Variants in MLIP observed in about 807,000 individuals in gnomAD.
MLIP encodes the protein muscular LMNA interacting protein, also known as muscular LMNA-interacting protein.
A neutral mutation model predicts 84.8 loss-of-function variants in MLIP; 79 were observed. The ratio of observed to expected loss-of-function variants is 0.93; its 90% CI spans 0.78 to 1.12. The LOEUF (loss-of-function observed/expected upper bound fraction) is 1.12, where lower values mean the gene tolerates loss of function less well. Among genes scored for constraint, MLIP ranks in the 50% most tolerant of loss-of-function variants. MLIP has a pLI of 0.00. For missense variants in MLIP, 1,257 were observed against 1,160.6 expected, an observed-to-expected ratio of 1.08 and a Z score of -1.21; for synonymous variants, 504 against 463.0, an observed-to-expected ratio of 1.09 and a Z score of -1.14.
chr6:54,178,994 G>A (rs543056450), intron 9 of MLIP, among the ~76,000 whole-genome samples: 1 of 152,148 alleles, frequency 6.6e-6, no homozygotes. Context: ...AAATTGGGGT[G>A]TTGAAGTCTC....
intron 12 of MLIP, among the ~76,000 whole-genome samples, chr6:54,244,042 A>T (rs1781912875): frequency 6.6e-6 from 1 of 152,204 alleles, no homozygotes; most frequent in South Asian, 2.1e-4. Flanking sequence ...CTAAACATCT[A>T]GTACTCTGAC....
At chr6:54,131,726 G>C (rs1206982205) in intron 3 of MLIP, among the ~76,000 whole-genome samples, 7 of 152,172 alleles carry the variant, frequency 4.6e-5, no homozygotes, top group Admixed American at 4.6e-4. Context: ...CTTGGGATAT[G>C]TATGTATATA....
intron 11 of MLIP, among the ~76,000 whole-genome samples, chr6:54,214,130 C>T (rs1447857915): frequency 2.0e-5 from 3 of 152,204 alleles, no homozygotes; most frequent in Non-Finnish European, 2.9e-5. Flanking sequence ...TGAAATGGAA[C>T]AACTCTTAGG....
chr6:54,050,771 T>G (rs999833332), intron 1 of MLIP, among the ~76,000 whole-genome samples: 1 of 152,114 alleles, frequency 6.6e-6, no homozygotes, highest in Non-Finnish European at 1.5e-5. Flanking sequence ...ATGGGCATCA[T>G]GGTATTATTC....
At chr6:54,204,634 TACG>T (rs1163552639) in intron 11 of MLIP, among the ~76,000 whole-genome samples, 1 of 152,234 alleles carries the variant, frequency 6.6e-6, no homozygotes, top group Non-Finnish European at 1.5e-5. Context: ...ACCTGTAATT[TACG>T]ACATGTACTG....
Position 54,124,489 on chromosome 6 carries a change from A to C in MLIP, c.269A>C (p.Tyr90Ser). 1 of 1,613,836 alleles carries C rather than the reference A, an allele frequency of 6.2e-7. No individual in the cohort carries two copies. ...CTATTACAGTCTAAATCCAATGACT[A>C]CTTGACCTTGAATGCTGGGAGCCAA... is the stretch of plus-strand genomic sequence containing the variant. ...ETVNRSKSND[Y>S]LTLNAGSQQE... is the part of the protein sequence containing the mutation. The change falls in exon 3 of 14, where the codon TAC becomes TCC. Residue 90 changes from tyrosine to serine, a missense_variant. By Grantham distance (144) the Tyr-to-Ser change is moderately radical. Transcript: ENST00000502396.
At chr6:54,241,300 G>A (rs1781720421) in intron 12 of MLIP, among the ~76,000 whole-genome samples, 1 of 151,260 alleles carries the variant, frequency 6.6e-6, no homozygotes, top group Non-Finnish European at 1.5e-5. Flanking sequence ...TATATGGAGA[G>A]AGTGTATGTA....
Position 54,149,082 on chromosome 6 carries a change from G to A in MLIP, c.2244G>A (p.Lys748=). The change falls in exon 5 of 14, where the codon AAG becomes AAA. Residue 748 remains lysine, a synonymous_variant. Coordinates refer to ENST00000502396, the MANE Select transcript of MLIP (RefSeq NM_001281747.2). ...AATACAAGACCAAGTCAAGCTACAA[G>A]GCTTTTGCAGCAATCCCTACAAACA... ...SKQYKTKSSY[K]AFAAIPTNTL... 1 of 1,612,874 alleles carries A rather than the reference G, an allele frequency of 6.2e-7. No homozygotes were observed. The highest frequency in any genetic ancestry group is 8.5e-7 in the Non-Finnish European group (1 of 1,179,232).
chr6:54,074,467 G>A (rs1409365412), intron 1 of MLIP, among the ~76,000 whole-genome samples: 1 of 152,146 alleles, frequency 6.6e-6, no homozygotes, highest in Non-Finnish European at 1.5e-5. Flanking sequence ...TTTGATTACA[G>A]TGCAAGTATC....
At chr6:54,140,405 A>G (rs983108808) in intron 4 of MLIP, among the ~76,000 whole-genome samples, 1 of 152,180 alleles carries the variant, frequency 6.6e-6, no homozygotes, top group Non-Finnish European at 1.5e-5. Context: ...TTTGCTTTTT[A>G]CTTTTTAAAG....
At chr6:54,075,290 A>G (rs1766735214) in intron 1 of MLIP, among the ~76,000 whole-genome samples, 1 of 151,746 alleles carries the variant, frequency 6.6e-6, no homozygotes, top group East Asian at 1.9e-4. Flanking sequence ...CTGAATAATA[A>G]TCAGGGAAAT....
At position 54,124,473 on chromosome 6, in the gene MLIP, T is replaced by C. The variant is rs1402042623; in HGVS notation, c.253T>C (p.Ser85Pro). 5 of 1,611,928 alleles carry C rather than the reference T, an allele frequency of 3.1e-6. No homozygotes were observed. The highest frequency in any genetic ancestry group is 1.1e-5 in the South Asian group (1 of 90,864). Residue 85 changes from serine (S) to proline (P), a missense_variant and splice_region_variant, in exon 3 of 14, where the codon TCT becomes CCT. Physicochemically the swap from Ser to Pro is moderately conservative, Grantham distance 74. Coordinates refer to ENST00000502396, the MANE Select transcript of MLIP (RefSeq NM_001281747.2). ...SDKSPETVNR[S>P]KSNDYLTLNA... ...TTTTATCTCTCTACATCTATTACAG[T>C]CTAAATCCAATGACTACTTGACCTT...
chr6:54,232,335 G>A (rs1294700288), intron 12 of MLIP, among the ~76,000 whole-genome samples: 1 of 152,084 alleles, frequency 6.6e-6, no homozygotes, highest in Admixed American at 6.6e-5. Flanking sequence ...TTCTGGAACT[G>A]TTCAGCAAGG....
At chr6:54,046,653 T>C (rs1765071368) in intron 1 of MLIP, 1 of 152,220 alleles carries the variant, frequency 6.6e-6, no homozygotes. Context: ...ATTGTCAGAA[T>C]TAACATTCTT....
intron 1 of MLIP, among the ~76,000 whole-genome samples, chr6:54,082,419 C>G (rs944328194): frequency 2.0e-5 from 3 of 152,160 alleles, no homozygotes; most frequent in Non-Finnish European, 4.4e-5. Flanking sequence ...ATTGTAAGAA[C>G]AGCATGGGTG....
intron 3 of MLIP, among the ~76,000 whole-genome samples, chr6:54,129,396 A>T (rs2150460347): frequency 6.6e-6 from 1 of 152,218 alleles, no homozygotes; most frequent in Admixed American, 6.5e-5. Context: ...GGTGCTTAAA[A>T]AGTGTCTGAT....
intron 4 of MLIP, 120 bp from the exon 5 acceptor site, chr6:54,148,936 C>T (rs1265269175): frequency 1.4e-6 from 1 of 724,806 alleles, no homozygotes; most frequent in African/African-American, 1.8e-5. Context: ...AGTTGTTCAG[C>T]ATAATAACCC....
intron 12 of MLIP, among the ~76,000 whole-genome samples, chr6:54,231,799 C>G (rs975260489): frequency 1.3e-5 from 2 of 152,142 alleles, no homozygotes; most frequent in African/African-American, 2.4e-5. Context: ...CAATCAAGAT[C>G]ATCTTCCAGA....
intron 1 of MLIP, chr6:54,046,655 A>C (rs1027256718): frequency 2.0e-5 from 3 of 152,240 alleles, no homozygotes; most frequent in African/African-American, 7.2e-5. Flanking sequence ...TGTCAGAATT[A>C]ACATTCTTTT....
Sources: allele counts gnomAD v4.1 joint callset (sites outside exome capture counted in the v4.1 genomes callset), GRCh38; gene constraint gnomAD v4.1.1; transcripts MANE v1.5; gene names NCBI Gene and HGNC (gene_info 2026-07-23, HGNC 2026-07-21).